Variants in CAMKMT observed in about 807,000 individuals in gnomAD.
CAMKMT encodes the protein CaM KMT.
CAMKMT carries 53 observed loss-of-function variants against 48.0 expected under a neutral mutation model. The observed-to-expected ratio is 1.10, with a 90% CI of 0.89 to 1.39. The LOEUF (loss-of-function observed/expected upper bound fraction) is 1.39, where lower values mean the gene tolerates loss of function less well. Ranked by LOEUF, CAMKMT falls within the 40% of genes most tolerant of loss-of-function variation. The pLI is 0.00. For missense variants in CAMKMT, 428 were observed against 402.7 expected (o/e 1.06, Z -0.54); for synonymous variants, 165 against 152.3 (o/e 1.08, Z -0.61).
chr2:44,386,747 A>T (rs1012967286), intron 2 of CAMKMT, among the ~76,000 whole-genome samples: 2 of 152,134 alleles, frequency 1.3e-5, no homozygotes, highest in Admixed American at 1.3e-4. Flanking sequence ...GAATTTTTTA[A>T]TTTCCACCTT....
chr2:44,516,218 G>T (rs1479774465), intron 3 of CAMKMT, among the ~76,000 whole-genome samples: 2 of 152,162 alleles, frequency 1.3e-5, no homozygotes, highest in African/African-American at 4.8e-5. Context: ...GACTCATGCA[G>T]TAAATAAATT....
chr2:44,591,743 G>T (rs1437354634), intron 3 of CAMKMT, among the ~76,000 whole-genome samples: 1 of 151,792 alleles, frequency 6.6e-6, no homozygotes, highest in Non-Finnish European at 1.5e-5. Flanking sequence ...AAATCATGCT[G>T]CTATAAAGAC....
chr2:44,387,968 T>C (rs917156266), intron 2 of CAMKMT, among the ~76,000 whole-genome samples: 4 of 152,222 alleles, frequency 2.6e-5, no homozygotes, highest in African/African-American at 9.6e-5. Flanking sequence ...TAAGAGTCTT[T>C]CCTTCATCTT....
intron 3 of CAMKMT, among the ~76,000 whole-genome samples, chr2:44,406,289 TA>T (rs1023805269): frequency 3.3e-5 from 5 of 152,166 alleles, no homozygotes; most frequent in Non-Finnish European, 7.3e-5. Context: ...CTTTTTTTTT[TA>T]ATTACCATTT....
At chr2:44,561,105 C>T (rs944662039) in intron 3 of CAMKMT, among the ~76,000 whole-genome samples, 3 of 152,114 alleles carry the variant, frequency 2.0e-5, no homozygotes, top group African/African-American at 7.2e-5. Context: ...TCCAAACAAC[C>T]TTCTTATAAT....
intron 3 of CAMKMT, among the ~76,000 whole-genome samples, chr2:44,416,879 T>G (rs1256773079): frequency 6.6e-6 from 1 of 151,920 alleles, no homozygotes; most frequent in African/African-American, 2.4e-5. Flanking sequence ...CTGGCCAGCA[T>G]GATGTTTTTG....
chr2:44,427,600 C>G (rs1318919519), intron 3 of CAMKMT, among the ~76,000 whole-genome samples: 2 of 152,106 alleles, frequency 1.3e-5, no homozygotes, highest in African/African-American at 4.8e-5. Flanking sequence ...AATGAGATAC[C>G]AAACCTTAGC....
chr2:44,760,698 T>A (rs945808118), intron 9 of CAMKMT, among the ~76,000 whole-genome samples: 1 of 151,366 alleles, frequency 6.6e-6, no homozygotes, highest in East Asian at 1.9e-4. Flanking sequence ...CGGAGAGCCA[T>A]TGAAAGTTTT....
At chr2:44,573,387 ACT>A (rs528130584) in intron 3 of CAMKMT, among the ~76,000 whole-genome samples, 101 of 143,198 alleles carry the variant, frequency 7.1e-4, no homozygotes, top group Non-Finnish European at 9.9e-4. Flanking sequence ...TTGCTTTTTC[ACT>A]CTGTTTTTTT....
At chr2:44,412,330 TTTTG>T (rs1344139763) in intron 3 of CAMKMT, among the ~76,000 whole-genome samples, 1 of 152,116 alleles carries the variant, frequency 6.6e-6, no homozygotes, top group African/African-American at 2.4e-5. Context: ...TTTAAGTTTT[TTTTG>T]TTTGTTTGTT....
At chr2:44,445,101 G>C (rs527478595) in intron 3 of CAMKMT, among the ~76,000 whole-genome samples, 6 of 152,274 alleles carry the variant, frequency 3.9e-5, no homozygotes, top group Admixed American at 1.3e-4. Context: ...ATGGATAAAG[G>C]TCAAGCTAAT....
At chr2:44,771,474 C>G (rs1424106705) in intron 10 of CAMKMT, among the ~76,000 whole-genome samples, 2 of 151,860 alleles carry the variant, frequency 1.3e-5, no homozygotes, top group African/African-American at 4.8e-5. Flanking sequence ...AGGAATGTTG[C>G]TAGTCTAATT....
intron 3 of CAMKMT, chr2:44,393,192 G>T (rs779907387): frequency 1.3e-5 from 2 of 152,138 alleles, no homozygotes; most frequent in Non-Finnish European, 2.9e-5. Context: ...GTGAAAAGAC[G>T]TGGAAAAATC....
chr2:44,704,640 C>T (rs1168577447), intron 4 of CAMKMT, among the ~76,000 whole-genome samples: 1 of 73,728 alleles, frequency 1.4e-5, no homozygotes, highest in Non-Finnish European at 2.7e-5. Flanking sequence ...TTGGGGGAAA[C>T]AAAAGTGAAG....
intron 7 of CAMKMT, among the ~76,000 whole-genome samples, chr2:44,731,205 G>A (rs750321122): frequency 1.3e-5 from 2 of 152,166 alleles, no homozygotes; most frequent in South Asian, 2.1e-4. Context: ...GCTGGGCATG[G>A]TAGCACATGC....
At chr2:44,563,809 C>CT (rs1421099597) in intron 3 of CAMKMT, among the ~76,000 whole-genome samples, 2 of 152,102 alleles carry the variant, frequency 1.3e-5, no homozygotes, top group Admixed American at 1.3e-4. Context: ...CGAACTCATC[C>CT]TTTTTTTATG....
At chr2:44,546,624 A>G (rs534017125) in intron 3 of CAMKMT, among the ~76,000 whole-genome samples, 1 of 152,350 alleles carries the variant, frequency 6.6e-6, no homozygotes, top group African/African-American at 2.4e-5. Context: ...CTGGGGAGTC[A>G]TTTCACTGCT....
chr2:44,518,771 C>G lies in CAMKMT; in HGVS notation c.376+128466C>G, dbSNP rs920231192. 5.9e-5 allele frequency among the ~76,000 whole-genome samples: 9 copies of G among 152,294 alleles called. No individual in the cohort carries two copies. In the South Asian group the frequency reaches 1.7e-3, roughly 28 times the overall value. On this transcript the variant is annotated intron_variant, in intron 3 of 10. Coordinates refer to ENST00000378494, the MANE Select transcript of CAMKMT (RefSeq NM_024766.5). ...TATATTTCTGATGGATGGGGCTTAG[C>G]TAGGTAGACGTACCCAGATGAAATC...
chr2:44,640,207 C>G (rs1041407183), intron 3 of CAMKMT, among the ~76,000 whole-genome samples: 2 of 152,134 alleles, frequency 1.3e-5, no homozygotes, highest in Non-Finnish European at 1.5e-5. Context: ...AGAAGGAGTA[C>G]TTTAAATAGA....
Sources: gnomAD v4.1 joint callset for allele counts (sites outside exome capture counted in the v4.1 genomes callset) on GRCh38, gnomAD v4.1.1 for gene constraint, MANE v1.5 for transcripts, NCBI Gene and HGNC (gene_info 2026-07-23, HGNC 2026-07-21) for gene names.